Variants in SLCO5A1 observed in about 807,000 individuals in gnomAD.
SLCO5A1 encodes the protein organic anion transporter polypeptide-related protein 4.
Under a neutral mutation model 65.1 loss-of-function variants are expected in SLCO5A1, and 39 were observed. The observed-to-expected ratio is 0.60, with a 90% CI of 0.46 to 0.78. The LOEUF is 0.78. Among genes scored for constraint, SLCO5A1 ranks in the 30% least tolerant of loss-of-function variants. The probability of loss-of-function intolerance (pLI) is 0.00; values close to 1 mark genes in which losing one functional copy is unlikely to be tolerated. For missense variants in SLCO5A1, 1,029 were observed against 1,069.4 expected, an observed-to-expected ratio of 0.96 and a Z score of 0.53; for synonymous variants, 438 against 415.7, an observed-to-expected ratio of 1.05 and a Z score of -0.65.
At position 69,679,482 on chromosome 8, in the gene SLCO5A1, T is replaced by C. The variant is rs1813676635; in HGVS notation, c.1920A>G (p.Lys640=). ...TAAGAGTATTGCAGGTCCGTTTACA[T>C]TTCCCAGACACAGCATAGCCGTTCT... The part of the protein sequence containing the change: ...LNENGYAVSG[K]CKRTCNTLIP... The change falls in exon 8 of 10, where the codon AAA becomes AAG. Residue 640 remains lysine (K), a synonymous_variant. Transcript: ENST00000260126. The C allele has an allele frequency of 1.2e-6, 2 of 1,614,242 alleles. No homozygotes were observed. Among genetic ancestry groups the C allele is most frequent in the African/African-American group, 1.3e-5 (1 of 75,062 alleles).
intron 2 of SLCO5A1, chr8:69,772,977 G>T (rs1284747657): frequency 1.6e-5 from 16 of 985,154 alleles, no homozygotes; most frequent in Non-Finnish European, 1.8e-5. Context: ...GCTGTGGACT[G>T]TGGGAAAGGA....
At chr8:69,809,040 G>T (rs927967184) in intron 2 of SLCO5A1, among the ~76,000 whole-genome samples, 1 of 152,138 alleles carries the variant, frequency 6.6e-6, no homozygotes, top group African/African-American at 2.4e-5. Context: ...GGAGGAAGAG[G>T]TTGCAGTAAG....
chr8:69,676,789 T>A, intron 8 of SLCO5A1, 116 bp from the exon 9 acceptor site: 2 of 721,538 alleles, frequency 2.8e-6, no homozygotes, highest in Non-Finnish European at 4.6e-6. Flanking sequence ...CCAAAATATT[T>A]AATTCACTAT....
At chr8:69,824,682 A>G (rs1037368012) in intron 2 of SLCO5A1, among the ~76,000 whole-genome samples, 33 of 152,170 alleles carry the variant, frequency 2.2e-4, no homozygotes, top group South Asian at 6.2e-4. Flanking sequence ...ATTCACAGCC[A>G]AATTCTACCA....
chr8:69,820,967 G>C (rs557197627), intron 2 of SLCO5A1, among the ~76,000 whole-genome samples: 1 of 152,298 alleles, frequency 6.6e-6, no homozygotes, highest in African/African-American at 2.4e-5. Flanking sequence ...ATGACCAGTT[G>C]TTGGTAGAGT....
intron 6 of SLCO5A1, among the ~76,000 whole-genome samples, chr8:69,686,195 C>T (rs1197787267): frequency 7.0e-6 from 1 of 142,448 alleles, no homozygotes; most frequent in Non-Finnish European, 1.5e-5. Flanking sequence ...ATACTATGCT[C>T]ATGCCACGTG....
chr8:69,805,023 TGACA>T, intron 2 of SLCO5A1, among the ~76,000 whole-genome samples: 1 of 152,064 alleles, frequency 6.6e-6, no homozygotes, highest in Non-Finnish European at 1.5e-5. Context: ...TATCAGAGAA[TGACA>T]GTCATCATTC....
intron 5 of SLCO5A1, 95 bp downstream of exon 5, chr8:69,737,945 A>T: frequency 7.3e-7 from 1 of 1,369,588 alleles, no homozygotes; most frequent in Non-Finnish European, 1.0e-6. Flanking sequence ...GAACTAGCTT[A>T]ACACTTCGAT....
chr8:69,815,887 G>A (rs1427475884), intron 2 of SLCO5A1, among the ~76,000 whole-genome samples: 3 of 152,066 alleles, frequency 2.0e-5, no homozygotes, highest in African/African-American at 7.2e-5. Context: ...ACTATTAACA[G>A]CACAGTATAT....
In SLCO5A1 at chr8:69,823,278, C is replaced by T. The variant is rs201464299; in HGVS notation, c.907+8489G>A. On this transcript the variant is annotated intron_variant, in intron 2 of 9. Transcript: ENST00000260126. ...TCAAAGTCACACATAACAATATTAA[C>T]TTTAAATGTAAATGGACTAAATGCT... 2.0e-4 allele frequency among the ~76,000 whole-genome samples: 31 copies of T among 152,208 alleles called. 1 individual carries two copies. The East Asian group carries it at 5.8e-3, about 28-fold the overall frequency.
intron 4 of SLCO5A1, among the ~76,000 whole-genome samples, chr8:69,747,269 G>A (rs1397247240): frequency 1.3e-5 from 2 of 152,154 alleles, no homozygotes; most frequent in Non-Finnish European, 2.9e-5. Context: ...TCCCATGGGT[G>A]CAAATTATTG....
Position 69,832,819 on chromosome 8 carries a change from T to A in SLCO5A1, c.-146A>T. ...GGGCGCAGGGCCGCGCAGCAGGGCA[T>A]CCTCACCAGCTGCGAGGCGCCCAGT... On this transcript the variant is annotated 5_prime_UTR_variant, in exon 2 of 10. An upstream start codon of the reference 5' UTR is lost. Transcript: ENST00000260126. This position sits in a 1 kb window ranked among gnomAD's most constrained non-coding sequence, Gnocchi z 4.5. The A allele has an allele frequency of 1.1e-6, 1 of 905,192 alleles. No homozygotes were observed. The highest frequency in any genetic ancestry group is 1.6e-6 in the Non-Finnish European group (1 of 615,296). 56.1% of individuals were successfully genotyped at this position (905,192 alleles called of 1,614,324 possible).
In SLCO5A1 at chr8:69,796,215, C is replaced by A. The variant is rs113115929; in HGVS notation, c.908-34340G>T. On this transcript the variant is annotated intron_variant, in intron 2 of 9. Coordinates refer to ENST00000260126, the MANE Select transcript of SLCO5A1 (RefSeq NM_030958.3). ...TTTTAACTATGAAAATTTATCCATC[C>A]TGACTGAATTCCTCCCTAGAAAATG... is the stretch of plus-strand genomic sequence containing the variant. Among the ~76,000 whole-genome samples the A allele has an allele frequency of 3.3e-3, 497 of 151,794 alleles. 2 individuals carry two copies. Among genetic ancestry groups the A allele is most frequent in the African/African-American group, 0.011 (459 of 41,410 alleles).
intron 6 of SLCO5A1, among the ~76,000 whole-genome samples, chr8:69,687,266 G>T (rs891606541): frequency 1.3e-5 from 2 of 152,084 alleles, no homozygotes; most frequent in African/African-American, 2.4e-5. Context: ...TTCGTCTATG[G>T]CTATTAAATA....
chr8:69,771,886 T>A (rs766536514), intron 2 of SLCO5A1, among the ~76,000 whole-genome samples: 1 of 152,248 alleles, frequency 6.6e-6, no homozygotes, highest in Non-Finnish European at 1.5e-5. Context: ...AGTTCTCTGA[T>A]GAATAACTGC....
At chr8:69,684,050 C>T (rs1330030826) in intron 6 of SLCO5A1, among the ~76,000 whole-genome samples, 1 of 152,116 alleles carries the variant, frequency 6.6e-6, no homozygotes, top group Non-Finnish European at 1.5e-5. Flanking sequence ...TCAAGAAATC[C>T]TCCTAACAAT....
chr8:69,818,691 G>T (rs1820506980), intron 2 of SLCO5A1, among the ~76,000 whole-genome samples: 1 of 152,204 alleles, frequency 6.6e-6, no homozygotes, highest in South Asian at 2.1e-4. Flanking sequence ...CCCAAAATGG[G>T]TTTGTTTCCC....
At chr8:69,731,118 G>A (rs1424354963) in intron 5 of SLCO5A1, among the ~76,000 whole-genome samples, 1 of 151,908 alleles carries the variant, frequency 6.6e-6, no homozygotes, top group Non-Finnish European at 1.5e-5. Flanking sequence ...ATGCCTCTCA[G>A]CCTCCCAAGT....
chr8:69,707,388 A>G (rs1382863735), intron 5 of SLCO5A1, among the ~76,000 whole-genome samples: 2 of 152,234 alleles, frequency 1.3e-5, no homozygotes, highest in African/African-American at 4.8e-5. Context: ...AGAATATCCT[A>G]CACAAAGAAA....
Sources: allele counts gnomAD v4.1 joint callset (sites outside exome capture counted in the v4.1 genomes callset), GRCh38; gene constraint gnomAD v4.1.1; non-coding constraint Gnocchi (gnomAD v3.1); transcripts MANE v1.5; gene names NCBI Gene and HGNC (gene_info 2026-07-23, HGNC 2026-07-21).